The following CFAP97 variants were observed in gnomAD, a reference collection of about 807,000 sequenced individuals.
CFAP97 encodes the protein cilia- and flagella-associated protein 97.
A neutral mutation model predicts 43.1 loss-of-function variants in CFAP97; 36 were observed. The ratio of observed to expected loss-of-function variants is 0.84; its 90% confidence interval spans 0.64 to 1.10. CFAP97 has a LOEUF of 1.10. Among genes scored for constraint, CFAP97 ranks in the 50% least tolerant of loss-of-function variants. The pLI, the probability that CFAP97 is intolerant of heterozygous loss-of-function variation, is 0.00. For missense variants in CFAP97, 657 were observed against 620.3 expected, an observed-to-expected ratio of 1.06 and a Z score of -0.63; for synonymous variants, 228 against 225.7, an observed-to-expected ratio of 1.01 and a Z score of -0.09.
upstream of CFAP97, among the ~76,000 whole-genome samples, chr4:185,208,053 T>G (rs1199949690): frequency 6.6e-6 from 1 of 152,114 alleles, no homozygotes; most frequent in African/African-American, 2.4e-5. Context: ...TGGGTGAAAA[T>G]TAACAACTAT....
intron 1 of CFAP97, among the ~76,000 whole-genome samples, chr4:185,192,743 T>TC (rs1348700054): frequency 2.5e-5 from 2 of 79,356 alleles, no homozygotes; most frequent in Non-Finnish European, 5.3e-5. Context: ...CTTTTTTTTT[T>TC]TTTTTTTTTT....
Position 185,164,062 on chromosome 4 carries a change from C to T in CFAP97, c.1438G>A (p.Ala480Thr). 3 of 1,613,916 alleles carry T rather than the reference C, an allele frequency of 1.9e-6. No individual in the cohort carries two copies. The highest frequency in any genetic ancestry group is 1.1e-5 in the South Asian group (1 of 91,076). ...YLNSSPLSRR[A>T]RSTLGQYSPL... ...CTATATTGGCCAAGAGTGGATCTGG[C>T]CCGTCTTGACAATGGTGATGAGTTG... Residue 480 changes from alanine to threonine, a missense_variant, in exon 4 of 5, where the codon GCC (alanine) becomes ACC (threonine). Ala to Thr is a moderately conservative substitution (Grantham distance 58). Coordinates refer to ENST00000458385, the MANE Select transcript of CFAP97 (RefSeq NM_020827.3).
chr4:185,175,748 C>G lies in CFAP97; in HGVS notation c.1320+38G>C, dbSNP rs866117741. The G allele has an allele frequency of 3.1e-6, 5 of 1,589,682 alleles. No homozygotes were observed. The Middle Eastern group carries it at 8.4e-4, about 267-fold the overall frequency. On this transcript the variant is annotated intron_variant, in intron 3 of 4. Coordinates refer to ENST00000458385, the MANE Select transcript of CFAP97 (RefSeq NM_020827.3). ...AGCTGGACATACAAATCAGTGCAAA[C>G]ACATTTTCTTTGATGACTAATTATT...
In CFAP97 at chr4:185,190,497, G is replaced by A; in HGVS notation, c.700C>T (p.Pro234Ser). The A allele has an allele frequency of 6.2e-7, 1 of 1,613,936 alleles. No individual in the cohort carries two copies. The highest frequency in any genetic ancestry group is 8.5e-7 in the Non-Finnish European group (1 of 1,179,862). The change falls in exon 2 of 5, where the codon CCT becomes TCT. Residue 234 changes from proline (P) to serine (S), a missense_variant. Physicochemically the swap from Pro to Ser is moderately conservative, Grantham distance 74. Coordinates refer to ENST00000458385, the MANE Select transcript of CFAP97 (RefSeq NM_020827.3). ...CCACATTTTGGTGTAGTACTTGAAG[G>A]CTGTGTTTCTGTCGATTTTATTCCT... ...KSGIKSTETQ[P>S]SSTTPKCGHY...
rs1457355593 is a variant in CFAP97 at position 185,162,355 on chromosome 4, A to G, written c.*443T>C. ...GTGTTAAATCTCATACAATCGAGCT[A>G]TGTCATGCCACATAAGTTCTAAAGC... is the stretch of plus-strand genomic sequence containing the variant. On this transcript the variant is annotated 3_prime_UTR_variant, in exon 5 of 5. Coordinates refer to ENST00000458385, the MANE Select transcript of CFAP97 (RefSeq NM_020827.3). 6.0e-6 allele frequency: 1 copy of G among 167,408 alleles called. No homozygotes were observed. Among genetic ancestry groups the G allele is most frequent in the Non-Finnish European group, 1.3e-5 (1 of 77,496 alleles). 10.4% of individuals were successfully genotyped at this position (167,408 alleles called of 1,614,324 possible). A position where few individuals can be genotyped will look rare whatever the true frequency, so the allele number is the denominator to read the frequency against.
At chr4:185,187,622 T>C (rs1371701056) in intron 2 of CFAP97, among the ~76,000 whole-genome samples, 1 of 151,118 alleles carries the variant, frequency 6.6e-6, no homozygotes, top group East Asian at 1.9e-4. Flanking sequence ...AAACCCGGAG[T>C]GTCCTTACAA....
At chr4:185,178,062 T>C (rs1735624119) in intron 2 of CFAP97, among the ~76,000 whole-genome samples, 1 of 151,910 alleles carries the variant, frequency 6.6e-6, no homozygotes, top group Non-Finnish European at 1.5e-5. Context: ...GCCAAGTTAG[T>C]GACAAAACCT....
intron 3 of CFAP97, among the ~76,000 whole-genome samples, chr4:185,173,553 C>G (rs776934294): frequency 1.9e-4 from 29 of 152,066 alleles, no homozygotes; most frequent in Non-Finnish European, 3.1e-4. Context: ...GAATAGTATT[C>G]AGCCATAAAA....
chr4:185,177,404 C>T (rs1177899428), intron 2 of CFAP97, among the ~76,000 whole-genome samples: 7 of 130,938 alleles, frequency 5.3e-5, no homozygotes, highest in Non-Finnish European at 3.3e-5. Context: ...CAGAGTAAGA[C>T]TCTGTCTCCA....
chr4:185,184,833 T>C (rs962346538), intron 2 of CFAP97, among the ~76,000 whole-genome samples: 6 of 152,252 alleles, frequency 3.9e-5, no homozygotes, highest in Non-Finnish European at 8.8e-5. Flanking sequence ...GTTGAGTGTT[T>C]TCTTCCTGTA....
Position 185,190,949 on chromosome 4 carries a change from TTCTCTAC to T in CFAP97, c.241_247del (p.Val81MetfsTer7). On this transcript the variant is annotated frameshift_variant, in exon 2 of 5. Coordinates refer to ENST00000458385, the MANE Select transcript of CFAP97 (RefSeq NM_020827.3). LOFTEE classifies it high-confidence loss of function. ...AGAACTTACAGTTTGTGTAACATCA[TTCTCTAC>T]GGGGTGTTCTGGGGGAAATTTCACG... 6.2e-7 allele frequency: 1 copy of T among 1,613,890 alleles called. No individual in the cohort carries two copies. The highest frequency in any genetic ancestry group is 8.5e-7 in the Non-Finnish European group (1 of 1,179,826).
chr4:185,198,771 A>G (rs911235013), intron 1 of CFAP97, among the ~76,000 whole-genome samples: 3 of 147,820 alleles, frequency 2.0e-5, no homozygotes, highest in Admixed American at 1.4e-4. Context: ...CCTGGGCAAC[A>G]AGAGCGAAAC....
chr4:185,178,950 C>T (rs1735669924), intron 2 of CFAP97, among the ~76,000 whole-genome samples: 1 of 152,110 alleles, frequency 6.6e-6, no homozygotes. Flanking sequence ...CTCAGAGCAC[C>T]AGTGGTTTAT....
intron 3 of CFAP97, among the ~76,000 whole-genome samples, chr4:185,174,520 G>A (rs78412662): frequency 0.046 from 6,978 of 152,256 alleles, 296 homozygotes; most frequent in South Asian, 0.12. Context: ...GTTTAGGTAA[G>A]TATATGGTTA....
intron 3 of CFAP97, among the ~76,000 whole-genome samples, chr4:185,174,962 T>C (rs1008572295): frequency 3.3e-5 from 5 of 152,256 alleles, no homozygotes; most frequent in Admixed American, 6.5e-5. Context: ...TATTTTCTTA[T>C]AATATCAAAC....
intron 3 of CFAP97, among the ~76,000 whole-genome samples, chr4:185,170,562 C>T (rs1439531101): frequency 6.6e-6 from 1 of 151,610 alleles, no homozygotes; most frequent in African/African-American, 2.4e-5. Context: ...TATAGGTGCC[C>T]ACTACCACAC....
chr4:185,175,402 G>A (rs1279696928), intron 3 of CFAP97, among the ~76,000 whole-genome samples: 2 of 152,016 alleles, frequency 1.3e-5, no homozygotes, highest in Admixed American at 1.3e-4. Flanking sequence ...AAGTATCTGG[G>A]ACCACGGGTG....
chr4:185,182,254 TTC>T (rs1215974530), intron 2 of CFAP97: 1 of 152,042 alleles, frequency 6.6e-6, no homozygotes, highest in Non-Finnish European at 1.5e-5. Flanking sequence ...ATGTCTAAAC[TTC>T]TGTTTACTAC....
At chr4:185,183,310 C>T (rs567031467) in intron 2 of CFAP97, among the ~76,000 whole-genome samples, 1 of 152,312 alleles carries the variant, frequency 6.6e-6, no homozygotes, top group East Asian at 1.9e-4. Flanking sequence ...AGAGAGTATG[C>T]TGCATTCCTG....
Sources: allele counts gnomAD v4.1 joint callset (sites outside exome capture counted in the v4.1 genomes callset), GRCh38; gene constraint gnomAD v4.1.1; transcripts MANE v1.5; gene names NCBI Gene and HGNC (gene_info 2026-07-23, HGNC 2026-07-21).